The following FAM227B variants were observed in gnomAD, a reference collection of about 807,000 sequenced individuals.
FAM227B encodes the protein family with sequence similarity 227 member B, also known as protein FAM227B.
Under a neutral mutation model 73.8 loss-of-function variants are expected in FAM227B, and 88 were observed. The observed-to-expected ratio is 1.19, with a 90% CI of 1.00 to 1.42. FAM227B has a LOEUF of 1.42. Among genes scored for constraint, FAM227B ranks in the 40% most tolerant of loss-of-function variants. The pLI is 0.00. For synonymous variants in FAM227B, 210 were observed against 190.5 expected (o/e 1.10, Z -0.84); for missense variants, 632 against 590.9 (o/e 1.07, Z -0.72).
intron 11 of FAM227B, among the ~76,000 whole-genome samples, chr15:49,393,753 TAATC>T (rs1363438736): frequency 6.6e-6 from 1 of 152,126 alleles, no homozygotes; most frequent in Non-Finnish European, 1.5e-5. Flanking sequence ...AATCCAAACT[TAATC>T]AAATCAATCA....
intron 11 of FAM227B, among the ~76,000 whole-genome samples, chr15:49,388,886 GTCC>G (rs1428922167): frequency 1.3e-5 from 2 of 151,740 alleles, no homozygotes; most frequent in Non-Finnish European, 3.0e-5. Flanking sequence ...ATATGAAAAA[GTCC>G]TCAACATCAG....
At chr15:49,497,764 C>A (rs1258883267) in intron 11 of FAM227B, among the ~76,000 whole-genome samples, 3 of 152,200 alleles carry the variant, frequency 2.0e-5, no homozygotes, top group African/African-American at 7.2e-5. Context: ...ATTCCACCAT[C>A]AAAAACAGCG....
At chr15:49,548,027 T>C (rs2072203852) in intron 9 of FAM227B, among the ~76,000 whole-genome samples, 1 of 152,210 alleles carries the variant, frequency 6.6e-6, no homozygotes, top group East Asian at 1.9e-4. Flanking sequence ...ATACATTCTC[T>C]TCATCAGCAG....
chr15:49,525,848 GATTT>G (rs1178950400), intron 10 of FAM227B, among the ~76,000 whole-genome samples: 1 of 150,214 alleles, frequency 6.7e-6, no homozygotes, highest in East Asian at 1.9e-4. Context: ...AATTCAACAA[GATTT>G]AACGATCTTA....
At chr15:49,422,622 C>A (rs891513667) in intron 11 of FAM227B, 16 of 1,123,642 alleles carry the variant, frequency 1.4e-5, no homozygotes, top group Non-Finnish European at 1.9e-5. Flanking sequence ...AATGTAGCAG[C>A]TGAGACTCTG....
At chr15:49,347,242 A>C (rs1281810979) in intron 13 of FAM227B, among the ~76,000 whole-genome samples, 1 of 152,224 alleles carries the variant, frequency 6.6e-6, no homozygotes, top group Non-Finnish European at 1.5e-5. Flanking sequence ...GAGACACAAA[A>C]ATAAGTAGAG....
chr15:49,418,968 T>C (rs1164420173), intron 11 of FAM227B, among the ~76,000 whole-genome samples: 1 of 152,158 alleles, frequency 6.6e-6, no homozygotes, highest in Non-Finnish European at 1.5e-5. Flanking sequence ...CAAGATGGGA[T>C]AGATTTCAAG....
chr15:49,584,412 TAAATAG>T (rs983859048), intron 5 of FAM227B, among the ~76,000 whole-genome samples: 63 of 152,126 alleles, frequency 4.1e-4, no homozygotes, highest in African/African-American at 1.4e-3. Flanking sequence ...AATGTCATAA[TAAATAG>T]GCAAAAGCTG....
chr15:49,602,335 T>C (rs2077260235), intron 3 of FAM227B, among the ~76,000 whole-genome samples: 1 of 151,298 alleles, frequency 6.6e-6, no homozygotes, highest in African/African-American at 2.4e-5. Context: ...ATATAAGCCA[T>C]TTTAACTGGG....
At chr15:49,577,290 C>A in intron 6 of FAM227B, 2 of 353,214 alleles carry the variant, frequency 5.7e-6, no homozygotes, top group Non-Finnish European at 1.1e-5. Flanking sequence ...GAGTGAGGCC[C>A]CATTCCCCAC....
intron 3 of FAM227B, among the ~76,000 whole-genome samples, chr15:49,591,194 CCTCCCGAGTAGTTGGGA>C (rs1330671791): frequency 1.3e-5 from 2 of 150,968 alleles, no homozygotes; most frequent in African/African-American, 4.9e-5. Context: ...ACAGGCACAG[CCTCCCGAGTAGTTGGGA>C]CTACAGGCGC....
intron 14 of FAM227B, among the ~76,000 whole-genome samples, chr15:49,332,796 C>T (rs1055850108): frequency 3.3e-5 from 5 of 152,152 alleles, no homozygotes; most frequent in African/African-American, 1.2e-4. Context: ...CCTTGCCAGG[C>T]CTAGCCAAGG....
Position 49,589,859 on chromosome 15 carries a change from T to C in FAM227B, c.254A>G (p.Glu85Gly), listed in dbSNP as rs1165348188. The change falls in exon 4 of 16, where the codon GAA becomes GGA. Residue 85 changes from glutamate to glycine, a missense_variant. Glu to Gly is a moderately conservative substitution (Grantham distance 98). Coordinates refer to ENST00000299338, the MANE Select transcript of FAM227B (RefSeq NM_152647.3). ...PRIFEALLIM[E>G]SKLKEYSLIL... ...AAGTGAATATTCCTTTAATTTTGATTCCATGATCAAAAGTGCTTCAAATAT... is the reference window on the plus strand; with the variant it reads ...AAGTGAATATTCCTTTAATTTTGATCCCATGATCAAAAGTGCTTCAAATAT... 1.2e-6 allele frequency: 2 copies of C among 1,607,568 alleles called. No homozygotes were observed. Among genetic ancestry groups the C allele is most frequent in the South Asian group, 1.1e-5 (1 of 90,940 alleles).
chr15:49,462,254 G>A (rs28430272), intron 11 of FAM227B, among the ~76,000 whole-genome samples: 27,904 of 152,104 alleles, frequency 0.18, 3,175 homozygotes, highest in Non-Finnish European at 0.25. Context: ...TCATATATGA[G>A]TACACTGAAA....
chr15:49,579,469 G>A (rs1441704125), intron 5 of FAM227B, among the ~76,000 whole-genome samples: 2 of 152,128 alleles, frequency 1.3e-5, no homozygotes, highest in African/African-American at 2.4e-5. Context: ...GCCATTAAAC[G>A]AATGAAATCC....
intron 9 of FAM227B, among the ~76,000 whole-genome samples, chr15:49,565,906 A>C (rs1162332091): frequency 6.6e-6 from 1 of 152,202 alleles, no homozygotes; most frequent in Non-Finnish European, 1.5e-5. Context: ...TGATACAACC[A>C]TAAGCTAAGG....
intron 11 of FAM227B, among the ~76,000 whole-genome samples, chr15:49,497,099 G>GA (rs2057682419): frequency 1.3e-5 from 2 of 152,096 alleles, no homozygotes; most frequent in African/African-American, 2.4e-5. Flanking sequence ...CAAAATGCTG[G>GA]AAAAGGGGAA....
intron 10 of FAM227B, among the ~76,000 whole-genome samples, chr15:49,527,315 A>G (rs2060276293): frequency 6.6e-6 from 1 of 151,994 alleles, no homozygotes; most frequent in Non-Finnish European, 1.5e-5. Context: ...TATGCAGAAT[A>G]AGCATTCAAC....
At chr15:49,607,692 A>G (rs1368514565) in intron 3 of FAM227B, among the ~76,000 whole-genome samples, 1 of 152,208 alleles carries the variant, frequency 6.6e-6, no homozygotes, top group East Asian at 1.9e-4. Context: ...CATAAGGCTG[A>G]TGAGACTCTG....
Sources: gnomAD v4.1 joint callset for allele counts (sites outside exome capture counted in the v4.1 genomes callset) on GRCh38, gnomAD v4.1.1 for gene constraint, MANE v1.5 for transcripts, NCBI Gene and HGNC (gene_info 2026-07-23, HGNC 2026-07-21) for gene names.